The following RBKS variants were observed in gnomAD, a reference collection of about 807,000 sequenced individuals.
The protein encoded by RBKS is ribokinase.
A neutral mutation model predicts 33.9 loss-of-function variants in RBKS; 33 were observed. The ratio of observed to expected loss-of-function variants is 0.97; its 90% CI spans 0.74 to 1.30. The LOEUF (loss-of-function observed/expected upper bound fraction) is 1.30, where lower values mean the gene tolerates loss of function less well. RBKS is among the 50% of genes most tolerant of loss of function. RBKS has a pLI of 0.00. For missense variants in RBKS, 361 were observed against 392.6 expected, an observed-to-expected ratio of 0.92 and a Z score of 0.68; for synonymous variants, 125 against 143.0, an observed-to-expected ratio of 0.87 and a Z score of 0.90.
chr2:27,880,401 T>C (rs1399357614), intron 1 of RBKS, among the ~76,000 whole-genome samples: 1 of 152,112 alleles, frequency 6.6e-6, no homozygotes, highest in Non-Finnish European at 1.5e-5. Flanking sequence ...CTATTCAATA[T>C]AGTATTGGAA....
At chr2:27,789,400 CTTTT>C (rs569506674) in intron 7 of RBKS, among the ~76,000 whole-genome samples, 2 of 130,264 alleles carry the variant, frequency 1.5e-5, no homozygotes. Flanking sequence ...GATTTTGAAG[CTTTT>C]TTTTTTTTTT....
At chr2:27,864,931 T>A (rs1440720243) in intron 1 of RBKS, among the ~76,000 whole-genome samples, 1 of 152,208 alleles carries the variant, frequency 6.6e-6, no homozygotes, top group Non-Finnish European at 1.5e-5. Context: ...GGAGGGTCTC[T>A]AGGTTTACAA....
chr2:27,865,712 C>A (rs181269826), intron 1 of RBKS, among the ~76,000 whole-genome samples: 4 of 151,694 alleles, frequency 2.6e-5, no homozygotes, highest in Non-Finnish European at 5.9e-5. Flanking sequence ...CCATGCCTGG[C>A]TGATTTTTTC....
intron 5 of RBKS, among the ~76,000 whole-genome samples, chr2:27,836,685 G>A (rs1274469467): frequency 1.3e-5 from 2 of 152,100 alleles, no homozygotes; most frequent in Admixed American, 1.3e-4. Flanking sequence ...CATAGCAAAA[G>A]AAATGGTCAA....
At chr2:27,884,131 T>C (rs1288250036) in intron 1 of RBKS, among the ~76,000 whole-genome samples, 2 of 152,180 alleles carry the variant, frequency 1.3e-5, no homozygotes, top group Non-Finnish European at 2.9e-5. Context: ...GTAAAAGAGA[T>C]TTCTCTGTTC....
chr2:27,833,082 G>A (rs1409188168), intron 5 of RBKS, among the ~76,000 whole-genome samples: 1 of 152,200 alleles, frequency 6.6e-6, no homozygotes, highest in Non-Finnish European at 1.5e-5. Context: ...TTAGAGAAAA[G>A]TAAAAATGCT....
At chr2:27,847,821 T>C (rs1486028165) in intron 3 of RBKS, among the ~76,000 whole-genome samples, 1 of 152,248 alleles carries the variant, frequency 6.6e-6, no homozygotes, top group Non-Finnish European at 1.5e-5. Flanking sequence ...AGATGAAGGT[T>C]TGTAACCTCC....
intron 1 of RBKS, among the ~76,000 whole-genome samples, chr2:27,863,492 T>C (rs919083983): frequency 1.3e-5 from 2 of 152,272 alleles, no homozygotes; most frequent in African/African-American, 2.4e-5. Flanking sequence ...GAACAACTTA[T>C]CAATTGCTTT....
At chr2:27,793,786 CT>C (rs1677583572) in intron 7 of RBKS, among the ~76,000 whole-genome samples, 1 of 151,800 alleles carries the variant, frequency 6.6e-6, no homozygotes, top group Non-Finnish European at 1.5e-5. Flanking sequence ...TTGTTATGTC[CT>C]TTTTTTCAGG....
At chr2:27,821,975 G>T (rs1462273229) in intron 7 of RBKS, among the ~76,000 whole-genome samples, 1 of 152,150 alleles carries the variant, frequency 6.6e-6, no homozygotes, top group Non-Finnish European at 1.5e-5. Context: ...GGACAGAAAT[G>T]TGCAAAGGCT....
Position 27,840,327 on chromosome 2 carries a change from T to TACACACACACACACACAC in RBKS, c.514+2722_514+2739dup, listed in dbSNP as rs544313433. 5.6e-4 allele frequency among the ~76,000 whole-genome samples: 66 copies of TACACACACACACACACAC among 117,898 alleles called. 1 individual carries two copies. The East Asian group carries it at 0.011, about 20-fold the overall frequency. The allele number at this position is 117,898 out of a possible 152,430, so 77.3% of individuals were successfully genotyped here. A position where few individuals can be genotyped will look rare whatever the true frequency, so the allele number is the denominator to read the frequency against. ...CTTGCATATGAGAATGATGATGCAT[T>TACACACACACACACACAC]ACACACACACACACACACACACACA... On this transcript the variant is annotated intron_variant, in intron 5 of 7. Coordinates refer to ENST00000302188, the MANE Select transcript of RBKS (RefSeq NM_022128.3).
At chr2:27,849,878 A>T (rs1448785668) in intron 2 of RBKS, among the ~76,000 whole-genome samples, 1 of 152,176 alleles carries the variant, frequency 6.6e-6, no homozygotes, top group African/African-American at 2.4e-5. Flanking sequence ...AAAACCAGAA[A>T]ACTATGATTG....
intron 7 of RBKS, among the ~76,000 whole-genome samples, chr2:27,815,835 A>T (rs1344991128): frequency 6.6e-6 from 1 of 152,246 alleles, no homozygotes; most frequent in Non-Finnish European, 1.5e-5. Flanking sequence ...GTCTAGGTCC[A>T]CAGAACATTC....
At position 27,858,478 on chromosome 2, in the gene RBKS, T is replaced by C. The variant is rs755869933; in HGVS notation, c.183A>G (p.Gln61=). 9 of 1,614,026 alleles carry C rather than the reference T, an allele frequency of 5.6e-6. No individual in the cohort carries two copies. Among genetic ancestry groups the C allele is most frequent in the Non-Finnish European group, 5.1e-6 (6 of 1,179,998 alleles). The change falls in exon 2 of 8, where the codon CAA becomes CAG. Residue 61 remains glutamine (Q), a synonymous_variant. Coordinates refer to ENST00000302188, the MANE Select transcript of RBKS (RefSeq NM_022128.3). ...ACGTCATTGCTCCAAGCCGAGCAGC[T>C]TGGACACACTGGTTGGCACCTTTCC... ...FGGKGANQCV[Q]AARLGAMTSM... is the part of the protein sequence containing the mutation.
Position 27,797,353 on chromosome 2 carries a change from G to C in RBKS, c.796-15565C>G, listed in dbSNP as rs541231888. 1.4e-3 allele frequency among the ~76,000 whole-genome samples: 210 copies of C among 152,344 alleles called. 1 individual carries two copies. The South Asian group carries it at 0.019, about 14-fold the overall frequency. On this transcript the variant is annotated intron_variant, in intron 7 of 7. Coordinates refer to ENST00000302188, the MANE Select transcript of RBKS (RefSeq NM_022128.3). ...AGCTTCTTCTATAATAATTTGCACA[G>C]GGTGTCACAGACGCCAGCAGCAACC...
In RBKS at chr2:27,832,789, TGGAAAA is replaced by T; in HGVS notation, c.515-18_515-13del. The T allele has an allele frequency of 6.5e-7, 1 of 1,531,624 alleles. No individual in the cohort carries two copies. The highest frequency in any genetic ancestry group is 9.0e-7 in the Non-Finnish European group (1 of 1,104,996). 94.9% of individuals were successfully genotyped at this position (1,531,624 alleles called of 1,614,324 possible). On this transcript the variant is annotated splice_polypyrimidine_tract_variant and intron_variant, in intron 5 of 7. Coordinates refer to ENST00000302188, the MANE Select transcript of RBKS (RefSeq NM_022128.3). ...GAACAAGGTTTTCACTACAAAGGAA[TGGAAAA>T]GGGGGTTATTATTAGTTTTCATTTT...
At chr2:27,835,619 T>G (rs1678504188) in intron 5 of RBKS, among the ~76,000 whole-genome samples, 1 of 149,994 alleles carries the variant, frequency 6.7e-6, no homozygotes, top group Admixed American at 6.7e-5. Context: ...GAGATGAGGT[T>G]TTGCCATGTT....
chr2:27,843,711 A>G (rs1454736545), intron 4 of RBKS, among the ~76,000 whole-genome samples: 2 of 152,244 alleles, frequency 1.3e-5, no homozygotes, highest in African/African-American at 4.8e-5. Context: ...AACACATTTT[A>G]AATATCTAAC....
intron 1 of RBKS, among the ~76,000 whole-genome samples, chr2:27,874,261 T>C (rs1159248325): frequency 4.6e-5 from 7 of 152,262 alleles, no homozygotes; most frequent in Non-Finnish European, 7.3e-5. Context: ...TCTCAGATCC[T>C]TTTTATGATA....
Sources: allele counts gnomAD v4.1 joint callset (sites outside exome capture counted in the v4.1 genomes callset), GRCh38; gene constraint gnomAD v4.1.1; transcripts MANE v1.5; gene names NCBI Gene and HGNC (gene_info 2026-07-23, HGNC 2026-07-21).